The following PTPRT variants were observed in gnomAD, a reference collection of about 807,000 sequenced individuals.
The protein encoded by PTPRT is protein tyrosine phosphatase receptor type T.
PTPRT carries 56 observed loss-of-function variants against 176.8 expected under a neutral mutation model. The ratio of observed to expected loss-of-function variants is 0.32; its 90% CI spans 0.26 to 0.40. PTPRT has a LOEUF of 0.40. Among genes scored for constraint, PTPRT ranks in the 10% least tolerant of loss-of-function variants. PTPRT has a pLI of 1.00. For synonymous variants in PTPRT, 783 were observed against 739.0 expected (o/e 1.06, Z -0.96); for missense variants, 1,540 against 1,908.2 (o/e 0.81, Z 3.60).
At chr20:42,046,445 A>T in the PTPRT span, among the ~76,000 whole-genome samples, 1 of 152,242 alleles carries the variant, frequency 6.6e-6, no homozygotes, top group African/African-American at 2.4e-5. Flanking sequence ...GAAATTCACC[A>T]ACCATCAGGC....
intron 6 of PTPRT, among the ~76,000 whole-genome samples, chr20:42,731,784 T>C (rs991628391): frequency 6.6e-6 from 1 of 152,126 alleles, no homozygotes; most frequent in African/African-American, 2.4e-5. Flanking sequence ...CACCCATCTA[T>C]CCCAGCCACA....
At chr20:43,009,093 G>T (rs1416798543) in intron 1 of PTPRT, among the ~76,000 whole-genome samples, 1 of 152,148 alleles carries the variant, frequency 6.6e-6, no homozygotes, top group Non-Finnish European at 1.5e-5. Flanking sequence ...GGCAGCAATG[G>T]CAAGACAGGG....
At chr20:42,456,694 A>T (rs1256672925) in intron 8 of PTPRT, among the ~76,000 whole-genome samples, 1 of 152,150 alleles carries the variant, frequency 6.6e-6, no homozygotes, top group Admixed American at 6.5e-5. Context: ...CTAATTTTTT[A>T]AACTATTTTT....
At position 42,780,294 on chromosome 20, in the gene PTPRT, T is replaced by C. The variant is rs780043579; in HGVS notation, c.492A>G (p.Ile164Met). The change falls in exon 4 of 31, where the codon ATA (isoleucine) becomes ATG (methionine). Residue 164 changes from isoleucine to methionine, a missense_variant. This residue lies in a region of PTPRT where 273 missense variants were observed against 432.1 expected (regional missense o/e 0.63). Coordinates refer to ENST00000373187, the MANE Select transcript of PTPRT (RefSeq NM_007050.6). ...GACCCTTCAATGAGACGGATTCAAA[T>C]ATCACCTGCAACACACAGGGCGGGA... is the stretch of plus-strand genomic sequence containing the variant. ...STFWPHFYQV[I>M]FESVSLKGHP... The C allele has an allele frequency of 3.7e-6, 6 of 1,613,538 alleles. No homozygotes were observed. Among genetic ancestry groups the C allele is most frequent in the Non-Finnish European group, 5.1e-6 (6 of 1,179,676 alleles).
intron 6 of PTPRT, among the ~76,000 whole-genome samples, chr20:42,679,841 T>C (rs989331904): frequency 6.6e-6 from 1 of 152,218 alleles, no homozygotes; most frequent in Admixed American, 6.5e-5. Flanking sequence ...TGTTTTGCTA[T>C]GGTAAATAAT....
intron 2 of PTPRT, among the ~76,000 whole-genome samples, chr20:42,881,491 G>A (rs1268550231): frequency 1.3e-5 from 2 of 152,062 alleles, no homozygotes; most frequent in Admixed American, 6.6e-5. Context: ...TTGGGAGGCC[G>A]AGGCGGAAGG....
Position 43,158,572 on chromosome 20 carries a change from C to T in PTPRT, c.88+31074G>A, listed in dbSNP as rs571370941. On this transcript the variant is annotated intron_variant, in intron 1 of 30. Transcript: ENST00000373187. The stretch of plus-strand genomic sequence containing the variant: ...ATCATTTCATCTCCCCCATTCTGTT[C>T]GTGCTCCCATCAAAACTTCCTATGA... Among the ~76,000 whole-genome samples, 189 of 152,268 alleles carry T rather than the reference C, an allele frequency of 1.2e-3. 1 individual carries two copies. The highest frequency in any genetic ancestry group is 4.2e-3 in the African/African-American group (176 of 41,532).
chr20:42,288,778 T>G (rs1211700461), intron 12 of PTPRT, among the ~76,000 whole-genome samples: 1 of 152,044 alleles, frequency 6.6e-6, no homozygotes, highest in Non-Finnish European at 1.5e-5. Context: ...AACGGGCACC[T>G]AGGTTGATTC....
At chr20:42,753,615 G>A (rs1034516260) in intron 6 of PTPRT, among the ~76,000 whole-genome samples, 2 of 152,170 alleles carry the variant, frequency 1.3e-5, no homozygotes, top group African/African-American at 4.8e-5. Flanking sequence ...CAGGTGAGTG[G>A]CTTCAGAGCA....
chr20:42,102,041 C>T, intron 26 of PTPRT, 83 bp downstream of exon 26: 2 of 1,514,598 alleles, frequency 1.3e-6, no homozygotes, highest in Non-Finnish European at 1.8e-6. Context: ...GGGTCAGGGC[C>T]CTGAGGTCCA....
At chr20:42,894,155 A>G (rs2145895835) in intron 1 of PTPRT, among the ~76,000 whole-genome samples, 1 of 152,312 alleles carries the variant, frequency 6.6e-6, no homozygotes, top group Middle Eastern at 3.4e-3. Flanking sequence ...TAAGGCCACC[A>G]GGAAATGGAG....
At chr20:42,857,581 G>C (rs533677559) in intron 2 of PTPRT, among the ~76,000 whole-genome samples, 1 of 152,242 alleles carries the variant, frequency 6.6e-6, no homozygotes, top group African/African-American at 2.4e-5. Flanking sequence ...GCTCATAACT[G>C]TTTTTCCCTG....
At chr20:42,210,460 C>T (rs1206424641) in intron 15 of PTPRT, among the ~76,000 whole-genome samples, 1 of 152,060 alleles carries the variant, frequency 6.6e-6, no homozygotes, top group Non-Finnish European at 1.5e-5. Flanking sequence ...TCTCAGGATA[C>T]AAAATCAATG....
At chr20:42,658,387 T>C (rs1360111354) in intron 7 of PTPRT, among the ~76,000 whole-genome samples, 2 of 152,172 alleles carry the variant, frequency 1.3e-5, no homozygotes, top group Non-Finnish European at 2.9e-5. Context: ...CTTCTTGCGC[T>C]TAGGAACATC....
rs1002621641 is a variant in PTPRT, at chr20:43,189,242, G to A, written c.88+404C>T. Among the ~76,000 whole-genome samples the A allele has an allele frequency of 6.6e-5, 10 of 152,288 alleles. No individual in the cohort carries two copies. The highest frequency in any genetic ancestry group is 2.0e-4 in the Admixed American group (3 of 15,306). On this transcript the variant is annotated intron_variant, in intron 1 of 30. Coordinates refer to ENST00000373187, the MANE Select transcript of PTPRT (RefSeq NM_007050.6). The surrounding 1 kb of genome is among the most constrained non-coding windows in gnomAD (Gnocchi z 5.0). ...TCCCCACTAAAAGCGCGCGCTGCCC[G>A]AGGAGCTGCCCGGGAGAGAACGCTC...
chr20:42,428,080 C>T (rs904711166), intron 9 of PTPRT, among the ~76,000 whole-genome samples: 2 of 152,200 alleles, frequency 1.3e-5, no homozygotes, highest in African/African-American at 2.4e-5. Flanking sequence ...TTGGTGGTCT[C>T]CTCACACGGA....
chr20:43,113,836 T>C (rs1234849816), intron 1 of PTPRT, among the ~76,000 whole-genome samples: 1 of 152,236 alleles, frequency 6.6e-6, no homozygotes, highest in Non-Finnish European at 1.5e-5. Flanking sequence ...CCGAATCTCT[T>C]GTTTAAGAAA....
chr20:42,050,399 C>G, the PTPRT span, among the ~76,000 whole-genome samples: 1 of 152,166 alleles, frequency 6.6e-6, no homozygotes, highest in Admixed American at 6.5e-5. Flanking sequence ...TATTAAGTAA[C>G]TTGCCCAAGG....
chr20:42,189,769 A>G (rs894650204), intron 16 of PTPRT, among the ~76,000 whole-genome samples: 1 of 151,916 alleles, frequency 6.6e-6, no homozygotes. Flanking sequence ...TCTTGGGAAA[A>G]CTCTCTGCAA....
Sources: allele counts gnomAD v4.1 joint callset (sites outside exome capture counted in the v4.1 genomes callset), GRCh38; gene constraint gnomAD v4.1.1; regional missense constraint gnomAD v4.1.1; non-coding constraint Gnocchi (gnomAD v3.1); transcripts MANE v1.5; gene names NCBI Gene and HGNC (gene_info 2026-07-23, HGNC 2026-07-21).